The following PKD1L1 variants were observed in gnomAD, a reference collection of about 807,000 sequenced individuals.
The protein encoded by PKD1L1 is polycystin 1 like 1, transient receptor potential channel interacting, also known as polycystin-1-like protein 1.
PKD1L1 carries 236 observed loss-of-function variants against 323.4 expected under a neutral mutation model. That is an observed-to-expected ratio of 0.73 (90% CI 0.66 to 0.81). The LOEUF (loss-of-function observed/expected upper bound fraction) is 0.81, where lower values mean the gene tolerates loss of function less well. Ranked by LOEUF, PKD1L1 falls within the 40% of genes least tolerant of loss-of-function variation. The pLI, the probability that PKD1L1 is intolerant of heterozygous loss-of-function variation, is 0.00. For synonymous variants in PKD1L1, 1,344 were observed against 1,335.0 expected (o/e 1.01, Z -0.15); for missense variants, 3,320 against 3,508.0 (o/e 0.95, Z 1.35).
chr7:47,833,306 C>A, intron 40 of PKD1L1, 54 bp from the exon 41 acceptor site: 2 of 1,568,320 alleles, frequency 1.3e-6, no homozygotes, highest in African/African-American at 1.3e-5. Context: ...GGGCTTCACA[C>A]GTGACGCTCA....
intron 8 of PKD1L1, among the ~76,000 whole-genome samples, chr7:47,913,243 C>G (rs941209286): frequency 6.6e-6 from 1 of 151,990 alleles, no homozygotes; most frequent in Non-Finnish European, 1.5e-5. Flanking sequence ...CATGAATTTT[C>G]CTAAAAAAAA....
rs149411091 is a variant in PKD1L1, at chr7:47,808,259, T to C, written c.7815A>G (p.Ala2605=). The stretch of plus-strand genomic sequence containing the variant: ...GCACACCGTGTACCTGATTCCATGA[T>C]GCCATAAGGGTGAGGTCCATAAATG... ...CRAFMDLTLM[A]SWNQRARWLR... The change falls in exon 52 of 57, where the codon GCA becomes GCG. Residue 2605 remains alanine (A), a synonymous_variant. Transcript: ENST00000289672. The C allele has an allele frequency of 1.9e-6, 3 of 1,614,078 alleles. No individual in the cohort carries two copies. In the African/African-American group the frequency reaches 4.0e-5, roughly 22 times the overall value.
At chr7:47,833,717 C>T (rs1785397549) in intron 40 of PKD1L1, among the ~76,000 whole-genome samples, 2 of 152,292 alleles carry the variant, frequency 1.3e-5, no homozygotes, top group South Asian at 4.1e-4. Flanking sequence ...AGAGTTAGAG[C>T]CTGGCAAACA....
intron 32 of PKD1L1, among the ~76,000 whole-genome samples, chr7:47,846,516 A>G (rs547307426): frequency 3.9e-4 from 59 of 152,362 alleles, no homozygotes; most frequent in Non-Finnish European, 7.5e-4. Flanking sequence ...GCGTACTCAA[A>G]GGATGTCAGC....
chr7:47,953,590 C>A, the PKD1L1 span, among the ~76,000 whole-genome samples: 1 of 152,250 alleles, frequency 6.6e-6, no homozygotes, highest in African/African-American at 2.4e-5. Context: ...TGAAGGGAGG[C>A]CCACCTGTCA....
intron 54 of PKD1L1, among the ~76,000 whole-genome samples, chr7:47,800,118 T>C (rs1784626659): frequency 1.3e-5 from 2 of 151,862 alleles, no homozygotes; most frequent in Admixed American, 1.3e-4. Context: ...GACAAGACCA[T>C]GGGGGAGACT....
chr7:47,829,350 C>T, intron 44 of PKD1L1, 75 bp downstream of exon 44: 1 of 1,372,648 alleles, frequency 7.3e-7, no homozygotes, highest in Non-Finnish European at 9.8e-7. Context: ...TCAAAGCCTA[C>T]ATTCAGATAT....
chr7:47,787,926 G>A (rs1355985608), intron 56 of PKD1L1, among the ~76,000 whole-genome samples: 1 of 152,034 alleles, frequency 6.6e-6, no homozygotes, highest in East Asian at 1.9e-4. Context: ...GCCCAGACTG[G>A]TCGCGAACTC....
At chr7:47,905,743 G>A in intron 10 of PKD1L1, 100 bp downstream of exon 10, 1 of 1,498,888 alleles carries the variant, frequency 6.7e-7, no homozygotes, top group Non-Finnish European at 9.1e-7. Context: ...CTCTCCAGCA[G>A]AGCCGATAAC....
At chr7:47,895,915 T>C (rs1786925734) in intron 14 of PKD1L1, among the ~76,000 whole-genome samples, 1 of 152,182 alleles carries the variant, frequency 6.6e-6, no homozygotes, top group African/African-American at 2.4e-5. Context: ...GTTTGTTTAG[T>C]TGATAGAGAA....
intron 52 of PKD1L1, among the ~76,000 whole-genome samples, chr7:47,803,943 A>G (rs745350772): frequency 6.6e-5 from 10 of 152,210 alleles, no homozygotes; most frequent in Non-Finnish European, 1.2e-4. Context: ...GGACTCGTCC[A>G]CATTCACAAG....
rs1175396107 is a variant in PKD1L1 at position 47,880,736 on chromosome 7, A to T, written c.3512T>A (p.Val1171Glu). 2 of 1,605,158 alleles carry T rather than the reference A, an allele frequency of 1.2e-6. No homozygotes were observed. The highest frequency in any genetic ancestry group is 1.7e-5 in the Admixed American group (1 of 59,440). The change falls in exon 21 of 57, where the codon GTG (valine) becomes GAG (glutamate). Residue 1171 changes from valine to glutamate, a missense_variant. By Grantham distance (121) the Val-to-Glu change is moderately radical. Coordinates refer to ENST00000289672, the MANE Select transcript of PKD1L1 (RefSeq NM_138295.5). ...CTGACAATGTAACATACCCACAGAC[A>T]CTTGCAGGACGTACGTCTCTCCACT... ...LSSGETYVLQ[V>E]SVASKHGLLG...
the PKD1L1 span, among the ~76,000 whole-genome samples, chr7:47,957,862 A>AAATATATATATATATAT: frequency 7.4e-6 from 1 of 134,666 alleles, no homozygotes; most frequent in African/African-American, 2.7e-5. Context: ...ATTAAAAAAA[A>AAATATATATATATATAT]ATATATATAT....
chr7:47,879,857 T>C (rs59221678), intron 21 of PKD1L1, among the ~76,000 whole-genome samples: 48,508 of 142,870 alleles, frequency 0.34, 9,443 homozygotes, highest in African/African-American at 0.53. Flanking sequence ...GGCGTGAACC[T>C]GGGAGGCAGA....
upstream of PKD1L1, among the ~76,000 whole-genome samples, chr7:47,951,529 T>C (rs577553527): frequency 2.4e-4 from 36 of 152,292 alleles, no homozygotes; most frequent in African/African-American, 7.2e-4. Context: ...TGAAAGTAGG[T>C]AGCACTGCCT....
In PKD1L1 at chr7:47,836,969, G is replaced by A. The variant is rs17131842; in HGVS notation, c.5895C>T (p.Cys1965=). 0.06 allele frequency: 96,119 copies of A among 1,614,074 alleles called. 3,309 individuals are homozygous for A. Among genetic ancestry groups the A allele is most frequent in the Non-Finnish European group, 0.071 (83,729 of 1,179,952 alleles). The change falls in exon 37 of 57, where the codon TGC becomes TGT. Residue 1965 remains cysteine, a synonymous_variant. Transcript: ENST00000289672. ...PRLTVSFSLL[C]VYACLTALVA... ...CCAGGGCAGTGAGACACGCGTAGACGCACAGCAGGGAGAAGGACACGGTGA... is the reference window on the plus strand; with the variant it reads ...CCAGGGCAGTGAGACACGCGTAGACACACAGCAGGGAGAAGGACACGGTGA...
intron 52 of PKD1L1, among the ~76,000 whole-genome samples, chr7:47,807,137 C>A (rs538487946): frequency 6.6e-6 from 1 of 152,088 alleles, no homozygotes; most frequent in African/African-American, 2.4e-5. Flanking sequence ...CTTGCTTGTG[C>A]GAGTGTTCTG....
At chr7:47,861,048 G>A (rs1786012315) in intron 26 of PKD1L1, among the ~76,000 whole-genome samples, 1 of 152,176 alleles carries the variant, frequency 6.6e-6, no homozygotes, top group Non-Finnish European at 1.5e-5. Context: ...CCACAGAGTG[G>A]AGGTATTGGG....
At chr7:47,940,424 G>T in intron 2 of PKD1L1, 107 bp from the exon 3 acceptor site, 1 of 1,181,386 alleles carries the variant, frequency 8.5e-7, no homozygotes, top group East Asian at 2.5e-5. Context: ...AAAGCCACCT[G>T]GGCCTAACAA....
Sources: gnomAD v4.1 joint callset for allele counts (sites outside exome capture counted in the v4.1 genomes callset) on GRCh38, gnomAD v4.1.1 for gene constraint, MANE v1.5 for transcripts, NCBI Gene and HGNC (gene_info 2026-07-23, HGNC 2026-07-21) for gene names.